Variants in NETO1 observed in about 807,000 individuals in gnomAD.
NETO1 encodes neuropilin and tolloid like 1, also known as neuropilin and tolloid-like protein 1.
In NETO1, 26 loss-of-function variants were observed where a neutral mutation model predicts 61.3. The observed-to-expected ratio is 0.42, with a 90% confidence interval of 0.31 to 0.59. The LOEUF is 0.59. Among genes scored for constraint, NETO1 ranks in the 20% least tolerant of loss-of-function variants. The probability of loss-of-function intolerance (pLI) is 0.12; values close to 1 mark genes in which losing one functional copy is unlikely to be tolerated. For missense variants in NETO1, 531 were observed against 662.8 expected (o/e 0.80, Z 2.18); for synonymous variants, 225 against 225.8 (o/e 1.00, Z 0.03).
intron 1 of NETO1, among the ~76,000 whole-genome samples, chr18:72,866,475 A>G (rs985972498): frequency 6.6e-6 from 1 of 152,114 alleles, no homozygotes; most frequent in African/African-American, 2.4e-5. Context: ...CACCCAGAAC[A>G]CACAGGTATG....
chr18:72,845,659 A>G (rs1304518271), intron 4 of NETO1, among the ~76,000 whole-genome samples: 1 of 152,244 alleles, frequency 6.6e-6, no homozygotes, highest in Non-Finnish European at 1.5e-5. Flanking sequence ...ATGGCCTCAA[A>G]TGATTAGTAA....
intron 3 of NETO1, among the ~76,000 whole-genome samples, chr18:72,861,399 G>T (rs1197941850): frequency 6.6e-6 from 1 of 152,134 alleles, no homozygotes; most frequent in East Asian, 1.9e-4. Context: ...ATGGCACATA[G>T]AAACTATTTG....
At chr18:72,818,928 C>T (rs979006219) in intron 4 of NETO1, among the ~76,000 whole-genome samples, 11 of 152,092 alleles carry the variant, frequency 7.2e-5, no homozygotes, top group Admixed American at 7.2e-4. Context: ...TATAGTTAGG[C>T]GTATATGTGT....
rs2070474461 is a variant in NETO1 at position 72,748,184 on chromosome 18, A to G, written c.*15-20T>C. ...TCTTCTCTGAAAATAAAAAACAGTT[A>G]AAACATTTTCTCCCAATGAAAAATG... is the stretch of plus-strand genomic sequence containing the variant. On this transcript the variant is annotated intron_variant, in intron 10 of 10. Transcript: ENST00000327305. The G allele has an allele frequency of 1.0e-6, 1 of 983,132 alleles. No individual in the cohort carries two copies. Among genetic ancestry groups the G allele is most frequent in the African/African-American group, 1.7e-5 (1 of 57,300 alleles). The allele number at this position is 983,132 out of a possible 1,614,324, so 60.9% of individuals were successfully genotyped here.
chr18:72,789,653 T>C (rs2072048102), intron 6 of NETO1, among the ~76,000 whole-genome samples: 1 of 152,146 alleles, frequency 6.6e-6, no homozygotes, highest in Admixed American at 6.6e-5. Flanking sequence ...ACTGGGTTCT[T>C]TGGTGAGGGC....
Position 72,858,936 on chromosome 18 carries a change from T to C in NETO1, c.359A>G (p.Gln120Arg). The C allele has an allele frequency of 6.2e-7, 1 of 1,614,000 alleles. No homozygotes were observed. Among genetic ancestry groups the C allele is most frequent in the Non-Finnish European group, 8.5e-7 (1 of 1,179,906 alleles). The change falls in exon 4 of 11, where the codon CAA becomes CGA. Residue 120 changes from glutamine to arginine, a missense_variant. Physicochemically the swap from Gln to Arg is conservative, Grantham distance 43. Coordinates refer to ENST00000327305, the MANE Select transcript of NETO1 (RefSeq NM_138966.5). ...FSPIIGRFCG[Q>R]QNPPVIKSSG... is the part of the protein sequence containing the mutation. ...GGATTTTATGACAGGTGGATTTTGT[T>C]GTCCACAGAAACGTCCAATTATTGG...
At chr18:72,778,201 C>T (rs181403274) in intron 7 of NETO1, among the ~76,000 whole-genome samples, 2 of 152,248 alleles carry the variant, frequency 1.3e-5, no homozygotes, top group East Asian at 1.9e-4. Flanking sequence ...GAGAGGCAGG[C>T]GCAGTGATCT....
Position 72,847,669 on chromosome 18 carries a change from A to G in NETO1, c.469+11157T>C, listed in dbSNP as rs533240683. ...GATATACACATACAGTTATCTAGAT[A>G]TAGATTTTTAATCTAAGTGTAGGAA... is the stretch of plus-strand genomic sequence containing the variant. On this transcript the variant is annotated intron_variant, in intron 4 of 10. Coordinates refer to ENST00000327305, the MANE Select transcript of NETO1 (RefSeq NM_138966.5). Among the ~76,000 whole-genome samples, 23 of 152,330 alleles carry G rather than the reference A, an allele frequency of 1.5e-4. 1 individual carries two copies. The highest frequency in any genetic ancestry group is 5.5e-4 in the African/African-American group (23 of 41,582).
intron 8 of NETO1, among the ~76,000 whole-genome samples, chr18:72,754,871 C>G (rs535184419): frequency 6.6e-6 from 1 of 152,268 alleles, no homozygotes; most frequent in African/African-American, 2.4e-5. Flanking sequence ...TACAACACTC[C>G]ACTCAACAAC....
chr18:72,762,424 A>G (rs1371563615), intron 7 of NETO1, among the ~76,000 whole-genome samples: 2 of 152,188 alleles, frequency 1.3e-5, no homozygotes, highest in African/African-American at 4.8e-5. Context: ...GGCAGTGATG[A>G]TTTCTAGGAT....
At chr18:72,789,210 G>GCA (rs71166426) in intron 6 of NETO1, among the ~76,000 whole-genome samples, 22,679 of 141,326 alleles carry the variant, frequency 0.16, 1,942 homozygotes, top group Admixed American at 0.28. Flanking sequence ...TAACACACAA[G>GCA]CACACACACA....
At chr18:72,833,334 G>A (rs1484748425) in intron 4 of NETO1, among the ~76,000 whole-genome samples, 1 of 152,086 alleles carries the variant, frequency 6.6e-6, no homozygotes, top group African/African-American at 2.4e-5. Context: ...ATTTCAAGAA[G>A]ACTTTCTCTG....
chr18:72,803,550 C>T (rs1036062408), intron 4 of NETO1, among the ~76,000 whole-genome samples: 22 of 152,276 alleles, frequency 1.4e-4, no homozygotes, highest in Admixed American at 2.6e-4. Context: ...TGGCCAGGAG[C>T]GGTGGCTCAT....
rs1316263256 is a variant in NETO1 at position 72,746,884 on chromosome 18, G to GTAAATTTA, written c.*1294_*1295insTAAATTTA. On this transcript the variant is annotated 3_prime_UTR_variant, in exon 11 of 11. Transcript: ENST00000327305. ...TACAGAGTGTGTATATAATTTAATA[G>GTAAATTTA]CAGTAAAATATATTTTAGGATTTTA... is the stretch of plus-strand genomic sequence containing the variant. 6.6e-6 allele frequency among the ~76,000 whole-genome samples: 1 copy of GTAAATTTA among 151,770 alleles called. No individual in the cohort carries two copies. Among genetic ancestry groups the GTAAATTTA allele is most frequent in the Non-Finnish European group, 1.5e-5 (1 of 67,892 alleles).
At chr18:72,813,683 T>C (rs1041331704) in intron 4 of NETO1, among the ~76,000 whole-genome samples, 2 of 151,996 alleles carry the variant, frequency 1.3e-5, no homozygotes, top group Non-Finnish European at 2.9e-5. Context: ...ATAGACAGAT[T>C]TAATAAGACT....
intron 4 of NETO1, among the ~76,000 whole-genome samples, chr18:72,825,705 G>A (rs2073351787): frequency 6.6e-6 from 1 of 152,142 alleles, no homozygotes; most frequent in African/African-American, 2.4e-5. Flanking sequence ...GCCAAAAGAT[G>A]TGTTACACAA....
chr18:72,827,028 T>A (rs759189013), intron 4 of NETO1, among the ~76,000 whole-genome samples: 181 of 151,192 alleles, frequency 1.2e-3, no homozygotes, highest in Non-Finnish European at 2.2e-3. Context: ...CAGTGAGAAA[T>A]CGGGGCAAAC....
intron 4 of NETO1, among the ~76,000 whole-genome samples, chr18:72,829,218 TA>T (rs1473005815): frequency 6.6e-6 from 1 of 152,186 alleles, no homozygotes; most frequent in Non-Finnish European, 1.5e-5. Flanking sequence ...TGCAAGGCAT[TA>T]GATAACATCT....
Position 72,867,308 on chromosome 18 carries a change from A to T in NETO1, c.-17T>A. On this transcript the variant is annotated 5_prime_UTR_variant, in exon 1 of 11. Transcript: ENST00000327305. ...ATGGATCATGTCTGTGCGTTACACC[A>T]GAGGCTCCGGGCTCCACTAATTCCA... The T allele has an allele frequency of 6.4e-7, 1 of 1,566,024 alleles. No homozygotes were observed. The highest frequency in any genetic ancestry group is 8.6e-7 in the Non-Finnish European group (1 of 1,156,106).
Sources: allele counts gnomAD v4.1 joint callset (sites outside exome capture counted in the v4.1 genomes callset), GRCh38; gene constraint gnomAD v4.1.1; transcripts MANE v1.5; gene names NCBI Gene and HGNC (gene_info 2026-07-23, HGNC 2026-07-21).